UGT1A10: variants seen among roughly 807,000 people sequenced by gnomAD.
UGT1A10 encodes UDP-glucuronosyltransferase 1A10.
UGT1A10 carries 49 observed loss-of-function variants against 45.8 expected under a neutral mutation model. The observed-to-expected ratio is 1.07, with a 90% CI of 0.85 to 1.36. The LOEUF (loss-of-function observed/expected upper bound fraction) is 1.36. Ranked by LOEUF, UGT1A10 falls within the 40% of genes most tolerant of loss-of-function variation. UGT1A10 has a pLI of 0.00. For missense variants in UGT1A10, 745 were observed against 668.6 expected (o/e 1.11, Z -1.26); for synonymous variants, 284 against 249.7 (o/e 1.14, Z -1.29).
intron 1 of UGT1A10, chr2:233,713,284 A>T: frequency 6.2e-7 from 1 of 1,614,270 alleles, no homozygotes; most frequent in Non-Finnish European, 8.5e-7. Context: ...GGTCACACTC[A>T]ATCGTTCTTT....
At chr2:233,746,837 G>A (rs1378280242) in intron 1 of UGT1A10, among the ~76,000 whole-genome samples, 1 of 151,758 alleles carries the variant, frequency 6.6e-6, no homozygotes, top group African/African-American at 2.4e-5. Context: ...CACTGTTGGG[G>A]ACCTCTCAGA....
intron 1 of UGT1A10, chr2:233,713,866 T>C (rs1467749451): frequency 2.5e-6 from 4 of 1,613,892 alleles, no homozygotes; most frequent in Non-Finnish European, 3.4e-6. Flanking sequence ...CAGGTCTGTA[T>C]TGGTGCCTTT....
intron 1 of UGT1A10, among the ~76,000 whole-genome samples, chr2:233,646,373 T>C (rs2073603820): frequency 6.6e-6 from 1 of 152,238 alleles, no homozygotes; most frequent in African/African-American, 2.4e-5. Context: ...CTTATGGAAA[T>C]TTCTGCAGCC....
Position 233,636,518 on chromosome 2 carries a change from C to G in UGT1A10, c.-5C>G. 1 of 1,608,620 alleles carries G rather than the reference C, an allele frequency of 6.2e-7. No homozygotes were observed. The highest frequency in any genetic ancestry group is 2.2e-5 in the East Asian group (1 of 44,818). On this transcript the variant is annotated 5_prime_UTR_variant, in exon 1 of 5. Transcript: ENST00000344644. ...CCAGCTGCTGGCTCGGGCTGCAGTT[C>G]TCTCATGGCTCGCGCAGGGTGGACC...
chr2:233,693,285 T>C, intron 1 of UGT1A10: 1 of 1,614,168 alleles, frequency 6.2e-7, no homozygotes, highest in Non-Finnish European at 8.5e-7. Context: ...TACCAATCAT[T>C]TGGAAACAAT....
At chr2:233,651,640 C>T (rs879627395) in intron 1 of UGT1A10, among the ~76,000 whole-genome samples, 3 of 152,182 alleles carry the variant, frequency 2.0e-5, no homozygotes, top group Admixed American at 2.0e-4. Context: ...CCTATGGACA[C>T]TGGATTTCTC....
intron 1 of UGT1A10, among the ~76,000 whole-genome samples, chr2:233,751,702 C>T (rs1485888079): frequency 6.6e-6 from 1 of 152,152 alleles, no homozygotes; most frequent in East Asian, 1.9e-4. Flanking sequence ...AGGGGCTCTT[C>T]CTCCTTCACT....
chr2:233,768,874 G>A (rs1264130017), intron 4 of UGT1A10, among the ~76,000 whole-genome samples: 1 of 151,996 alleles, frequency 6.6e-6, no homozygotes, highest in East Asian at 1.9e-4. Flanking sequence ...ATGAGCCAGC[G>A]CGTCTGACCT....
At chr2:233,648,123 T>C (rs1032179065) in intron 1 of UGT1A10, 2 of 1,370,712 alleles carry the variant, frequency 1.5e-6, no homozygotes, top group Admixed American at 4.5e-5. Flanking sequence ...TTGCCAATGC[T>C]CAATGGGAAG....
intron 1 of UGT1A10, among the ~76,000 whole-genome samples, chr2:233,658,549 C>T (rs888555478): frequency 2.6e-5 from 4 of 152,126 alleles, no homozygotes; most frequent in South Asian, 2.1e-4. Flanking sequence ...TCCTTGTTTT[C>T]GATGACTTTG....
intron 1 of UGT1A10, among the ~76,000 whole-genome samples, chr2:233,709,952 G>A (rs1319460026): frequency 6.6e-6 from 1 of 152,152 alleles, no homozygotes; most frequent in Non-Finnish European, 1.5e-5. Context: ...TCTGTTGCTG[G>A]ATAACAGAAT....
intron 1 of UGT1A10, chr2:233,712,902 G>A (rs1351189678): frequency 6.2e-7 from 1 of 1,609,502 alleles, no homozygotes; most frequent in Non-Finnish European, 8.5e-7. Context: ...TTTGCTAGGT[G>A]TCTCAGTGAC....
chr2:233,661,654 T>TCTTTCTTC (rs1220759709), intron 1 of UGT1A10, among the ~76,000 whole-genome samples: 2 of 149,856 alleles, frequency 1.3e-5, no homozygotes, highest in Non-Finnish European at 3.0e-5. Flanking sequence ...TTTCTTTCTT[T>TCTTTCTTC]CTTTCTTTCT....
chr2:233,755,056 T>C (rs550232994), intron 1 of UGT1A10: 129 of 1,333,538 alleles, frequency 9.7e-5, no homozygotes, highest in African/African-American at 8.9e-4. Flanking sequence ...CCCTCCGCCC[T>C]CGCCTCGCCA....
At chr2:233,638,708 T>C (rs1412122523) in intron 1 of UGT1A10, among the ~76,000 whole-genome samples, 1 of 152,214 alleles carries the variant, frequency 6.6e-6, no homozygotes, top group African/African-American at 2.4e-5. Context: ...ATTGTTCTGG[T>C]TTCTTACAAG....
chr2:233,647,959 T>C, intron 1 of UGT1A10: 2 of 1,607,404 alleles, frequency 1.2e-6, no homozygotes, highest in Non-Finnish European at 1.7e-6. Context: ...GTTCACCATG[T>C]GGTCGGTGGT....
In UGT1A10 at chr2:233,636,802, G is replaced by T; in HGVS notation, c.280G>T (p.Ala94Ser). The change falls in exon 1 of 5, where the codon GCC becomes TCC. Residue 94 changes from alanine (A) to serine (S), a missense_variant. Ala to Ser is a moderately conservative substitution (Grantham distance 99). Coordinates refer to ENST00000344644, the MANE Select transcript of UGT1A10 (RefSeq NM_019075.4). ...EDQNREFMVF[A>S]HAQWKAQAQS... ...TCAGAACCGGGAATTCATGGTTTTC[G>T]CCCATGCTCAATGGAAAGCACAGGC... 1.2e-6 allele frequency: 2 copies of T among 1,614,156 alleles called. No individual in the cohort carries two copies. The highest frequency in any genetic ancestry group is 1.7e-6 in the Non-Finnish European group (2 of 1,180,022).
At chr2:233,763,328 G>T (rs1698281248) in intron 1 of UGT1A10, among the ~76,000 whole-genome samples, 1 of 152,072 alleles carries the variant, frequency 6.6e-6, no homozygotes, top group African/African-American at 2.4e-5. Context: ...TATTATTTTT[G>T]TTTACATTTC....
At chr2:233,677,409 C>T (rs188929557) in intron 1 of UGT1A10, among the ~76,000 whole-genome samples, 38 of 152,106 alleles carry the variant, frequency 2.5e-4, no homozygotes, top group East Asian at 1.3e-3. Context: ...TTTTGATTCT[C>T]CAAAAACTTA....
Sources: allele counts gnomAD v4.1 joint callset (sites outside exome capture counted in the v4.1 genomes callset), GRCh38; gene constraint gnomAD v4.1.1; transcripts MANE v1.5; gene names NCBI Gene and HGNC (gene_info 2026-07-23, HGNC 2026-07-21).